EHF: variants seen among roughly 807,000 people sequenced by gnomAD.
EHF encodes ESE3 transcription factor.
A neutral mutation model predicts 45.1 loss-of-function variants in EHF; 14 were observed. The observed-to-expected ratio is 0.31, with a 90% CI of 0.21 to 0.49. The LOEUF (loss-of-function observed/expected upper bound fraction) is 0.49. EHF is among the 20% of genes least tolerant of loss of function. The pLI is 0.99. For missense variants in EHF, 282 were observed against 371.4 expected (o/e 0.76, Z 1.98); for synonymous variants, 136 against 131.8 (o/e 1.03, Z -0.22).
At chr11:34,639,799 A>C (rs1000013954) in intron 1 of EHF, among the ~76,000 whole-genome samples, 1 of 152,232 alleles carries the variant, frequency 6.6e-6, no homozygotes, top group Non-Finnish European at 1.5e-5. Flanking sequence ...AGGGAGTGCC[A>C]GCAGGGAGCA....
chr11:34,639,015 C>T (rs909007447), intron 1 of EHF, among the ~76,000 whole-genome samples: 2 of 152,136 alleles, frequency 1.3e-5, no homozygotes, highest in African/African-American at 4.8e-5. Flanking sequence ...ACCTTTAGAC[C>T]CATTATAATT....
At chr11:34,648,857 T>C (rs1755254447) in intron 3 of EHF, among the ~76,000 whole-genome samples, 162 bp from the exon 4 acceptor site, 1 of 152,070 alleles carries the variant, frequency 6.6e-6, no homozygotes, top group Non-Finnish European at 1.5e-5. Flanking sequence ...CAGGCTTGAG[T>C]TTGTAGAGGC....
At chr11:34,638,009 C>A (rs1242674095) in intron 1 of EHF, among the ~76,000 whole-genome samples, 1 of 151,594 alleles carries the variant, frequency 6.6e-6, no homozygotes, top group Non-Finnish European at 1.5e-5. Flanking sequence ...TCAAGCGATT[C>A]TCCTGCCTCA....
Position 34,657,245 on chromosome 11 carries a change from G to C in EHF, c.607+275G>C, listed in dbSNP as rs543859184. On this transcript the variant is annotated intron_variant, in intron 7 of 8. Transcript: ENST00000257831. ...CCCAGTGCCTAAGAACTGCTTGCAG[G>C]CATGGGGTTGGCAATTTCCTCTCTC... Among the ~76,000 whole-genome samples the C allele has an allele frequency of 2.0e-4, 8 of 39,570 alleles. No homozygotes were observed. In the East Asian group the frequency reaches 4.5e-3, roughly 22 times the overall value. The allele number at this position is 39,570 out of a possible 152,430, so 26.0% of individuals were successfully genotyped here. A position where few individuals can be genotyped will look rare whatever the true frequency, so the allele number is the denominator to read the frequency against.
At chr11:34,645,238 A>C (rs141464916) in intron 2 of EHF, among the ~76,000 whole-genome samples, 50 of 152,268 alleles carry the variant, frequency 3.3e-4, no homozygotes, top group East Asian at 1.4e-3. Context: ...AGTGAGCATG[A>C]GTCACATATA....
At chr11:34,622,555 C>A (rs1432128805) in intron 1 of EHF, 2 of 313,804 alleles carry the variant, frequency 6.4e-6, no homozygotes, top group Non-Finnish European at 1.1e-5. Context: ...GGAAGAATTT[C>A]ATGGCTAGGA....
At chr11:34,622,442 A>G (rs1348501131) in intron 1 of EHF, 3 of 1,275,264 alleles carry the variant, frequency 2.4e-6, no homozygotes, top group Non-Finnish European at 3.1e-6. Flanking sequence ...TAGTCTTTCA[A>G]TGTGTAAAAG....
At chr11:34,648,127 G>T (rs574058496) in intron 3 of EHF, among the ~76,000 whole-genome samples, 2 of 152,226 alleles carry the variant, frequency 1.3e-5, no homozygotes, top group African/African-American at 4.8e-5. Flanking sequence ...GTTTGCCTTT[G>T]TGTAGACCTT....
At chr11:34,641,379 T>C (rs529696592) in intron 1 of EHF, among the ~76,000 whole-genome samples, 7 of 152,206 alleles carry the variant, frequency 4.6e-5, no homozygotes, top group Non-Finnish European at 7.3e-5. Context: ...CATGAATATA[T>C]TCGTATGCCT....
intron 6 of EHF, among the ~76,000 whole-genome samples, chr11:34,655,588 G>A (rs562748630): frequency 5.5e-4 from 83 of 152,276 alleles, no homozygotes; most frequent in African/African-American, 2.0e-3. Context: ...CAAGTCATTT[G>A]ACCCCTCTGT....
In EHF at chr11:34,660,058, G is replaced by A. The variant is rs1855991867; in HGVS notation, c.*1127G>A. ...GTTTATTCTCAGAAGAAAAAGATAT[G>A]TAAGGTCTTTTAGCTCCTTAGAGTG... On this transcript the variant is annotated 3_prime_UTR_variant, in exon 9 of 9. Coordinates refer to ENST00000257831, the MANE Select transcript of EHF (RefSeq NM_012153.6). 1.3e-5 allele frequency: 2 copies of A among 152,224 alleles called. No homozygotes were observed. The highest frequency in any genetic ancestry group is 6.5e-5 in the Admixed American group (1 of 15,280). The allele number at this position is 152,224 out of a possible 1,614,324, so 9.4% of individuals were successfully genotyped here.
At chr11:34,641,833 C>A (rs573665215) in intron 1 of EHF, among the ~76,000 whole-genome samples, 58 of 152,118 alleles carry the variant, frequency 3.8e-4, no homozygotes, top group African/African-American at 1.3e-3. Flanking sequence ...CCAAACAGGC[C>A]CATGGAAGAA....
At chr11:34,651,400 C>G (rs1590526441) in intron 4 of EHF, 142 bp from the exon 5 acceptor site, 3 of 669,746 alleles carry the variant, frequency 4.5e-6, no homozygotes, top group South Asian at 3.7e-5. Context: ...AGTAACGCAG[C>G]TGAAGCAGAA....
chr11:34,634,960 A>G (rs1853248261), intron 1 of EHF, among the ~76,000 whole-genome samples: 2 of 151,982 alleles, frequency 1.3e-5, no homozygotes, highest in Non-Finnish European at 2.9e-5. Flanking sequence ...TCCAGTTCCA[A>G]TTCTTTCTAA....
rs1377034527 is a variant in EHF, at chr11:34,659,891, T to C, written c.*960T>C. The C allele has an allele frequency of 2.6e-5, 4 of 152,130 alleles. No individual in the cohort carries two copies. Among genetic ancestry groups the C allele is most frequent in the African/African-American group, 9.7e-5 (4 of 41,426 alleles). 9.4% of individuals were successfully genotyped at this position (152,130 alleles called of 1,614,324 possible). A position where few individuals can be genotyped will look rare whatever the true frequency, so the allele number is the denominator to read the frequency against. On this transcript the variant is annotated 3_prime_UTR_variant, in exon 9 of 9. Transcript: ENST00000257831. ...TAAGATGTTCAGCAGTATCCACTCA[T>C]GGTCTCTAACCACTTGACACCAGAA... is the stretch of plus-strand genomic sequence containing the variant.
intron 1 of EHF, among the ~76,000 whole-genome samples, chr11:34,629,323 G>A (rs1022774710): frequency 2.0e-5 from 3 of 152,118 alleles, no homozygotes; most frequent in African/African-American, 4.8e-5. Context: ...TTTTACAGAG[G>A]GCTTGCTACG....
At position 34,632,796 on chromosome 11, in the gene EHF, T is replaced by A. The variant is rs1853021221; in HGVS notation, c.-3-9832T>A. 2.5e-5 allele frequency: 25 copies of A among 990,962 alleles called. 1 individual carries two copies. The South Asian group carries it at 3.4e-4, about 14-fold the overall frequency. 61.4% of individuals were successfully genotyped at this position (990,962 alleles called of 1,614,324 possible). ...TTGGAAGCCGTGTCCTTGTGAATAG[T>A]CCATCAGGGTAGGGCAGCGTCTATG... is the stretch of plus-strand genomic sequence containing the variant. On this transcript the variant is annotated intron_variant, in intron 1 of 8. Transcript: ENST00000257831.
chr11:34,639,759 C>T (rs2134081666), intron 1 of EHF, among the ~76,000 whole-genome samples: 1 of 152,342 alleles, frequency 6.6e-6, no homozygotes, highest in South Asian at 2.1e-4. Flanking sequence ...AAAAAGGGCC[C>T]CTCACCATGC....
intron 1 of EHF, among the ~76,000 whole-genome samples, chr11:34,638,286 A>T (rs7936186): frequency 0.59 from 89,896 of 152,082 alleles, 26,857 homozygotes; most frequent in Non-Finnish European, 0.63. Flanking sequence ...TAATTTATAC[A>T]ATCTCCCCAG....
Sources: gnomAD v4.1 joint callset for allele counts (sites outside exome capture counted in the v4.1 genomes callset) on GRCh38, gnomAD v4.1.1 for gene constraint, MANE v1.5 for transcripts, NCBI Gene and HGNC (gene_info 2026-07-23, HGNC 2026-07-21) for gene names.